SYNE3: variants seen among roughly 807,000 people sequenced by gnomAD.
The protein encoded by SYNE3 is spectrin repeat containing nuclear envelope family member 3.
A neutral mutation model predicts 111.2 loss-of-function variants in SYNE3; 100 were observed. The observed-to-expected ratio is 0.90, with a 90% CI of 0.77 to 1.06. SYNE3 has a LOEUF of 1.06. Among genes scored for constraint, SYNE3 ranks in the 50% least tolerant of loss-of-function variants. SYNE3 has a pLI of 0.00. For missense variants in SYNE3, 1,160 were observed against 1,240.3 expected (o/e 0.94, Z 0.97); for synonymous variants, 547 against 533.9 (o/e 1.02, Z -0.34).
At chr14:95,438,724 C>G (rs534808452) in intron 14 of SYNE3, 2 of 269,288 alleles carry the variant, frequency 7.4e-6, no homozygotes, top group Non-Finnish European at 1.4e-5. Flanking sequence ...CTTTCAGCCC[C>G]GACACTCTCT....
intron 1 of SYNE3, among the ~76,000 whole-genome samples, chr14:95,509,831 C>T (rs1458962210): frequency 6.6e-6 from 1 of 152,240 alleles, no homozygotes; most frequent in African/African-American, 2.4e-5. Context: ...ATTTCATTTT[C>T]ATCAAGCAAC....
chr14:95,465,525 G>T (rs1888108734), intron 4 of SYNE3, among the ~76,000 whole-genome samples: 1 of 152,148 alleles, frequency 6.6e-6, no homozygotes, highest in Non-Finnish European at 1.5e-5. Context: ...TGATGGGTAG[G>T]TGAATGAGTA....
chr14:95,439,480 G>A lies in SYNE3; in HGVS notation c.2246+132C>T, dbSNP rs563171174. On this transcript the variant is annotated intron_variant, in intron 13 of 17. Coordinates refer to ENST00000682763, the MANE Select transcript of SYNE3 (RefSeq NM_152592.6). The stretch of plus-strand genomic sequence containing the variant: ...CTAGAATAGCCAACTGGGCCAAAGT[G>A]TGAAGGTGCCCACGGCCCCTGGCTC... 175 of 1,225,022 alleles carry A rather than the reference G, an allele frequency of 1.4e-4. No homozygotes were observed. In the African/African-American group the frequency reaches 2.6e-3, roughly 18 times the overall value. 75.9% of individuals were successfully genotyped at this position (1,225,022 alleles called of 1,614,324 possible).
intron 13 of SYNE3, 53 bp downstream of exon 13, chr14:95,439,559 G>C: frequency 1.3e-6 from 2 of 1,595,332 alleles, no homozygotes; most frequent in Admixed American, 3.3e-5. Flanking sequence ...GTGTCCCTGA[G>C]TGAGAAGGGG....
chr14:95,493,018 T>C (rs1889921833), intron 1 of SYNE3, among the ~76,000 whole-genome samples: 1 of 152,110 alleles, frequency 6.6e-6, no homozygotes, highest in Admixed American at 6.5e-5. Flanking sequence ...TCCTTAAAAA[T>C]ACACCCACCA....
At position 95,415,406 on chromosome 14, in the gene SYNE3, G is replaced by A. The variant is rs139801697; in HGVS notation, c.*2420C>T. 1 of 152,024 alleles carries A rather than the reference G, an allele frequency of 6.6e-6. No homozygotes were observed. The highest frequency in any genetic ancestry group is 2.4e-5 in the African/African-American group (1 of 41,450). The allele number at this position is 152,024 out of a possible 1,614,324, so 9.4% of individuals were successfully genotyped here. On this transcript the variant is annotated 3_prime_UTR_variant, in exon 18 of 18. Coordinates refer to ENST00000682763, the MANE Select transcript of SYNE3 (RefSeq NM_152592.6). The stretch of plus-strand genomic sequence containing the variant: ...CCTGCAGAGAACGGCCCTATGGCTT[G>A]GTTTCCAGATATCTGGAGAAAAGTG...
At chr14:95,439,805 C>CA (rs750163522) in intron 12 of SYNE3, 21 bp from the exon 13 acceptor site, 1 of 1,603,128 alleles carries the variant, frequency 6.2e-7, no homozygotes, top group South Asian at 1.1e-5. Context: ...CACGGACACA[C>CA]AGACACACAC....
rs111705706 is a variant in SYNE3 at position 95,482,671 on chromosome 14, G to A, written c.-14-6836C>T. 6.9e-3 allele frequency among the ~76,000 whole-genome samples: 1,053 copies of A among 152,124 alleles called. 19 individuals are homozygous for A. Among genetic ancestry groups the A allele is most frequent in the African/African-American group, 0.024 (994 of 41,490 alleles). ...TTTACAAAGAGGGAAACTGAGACTC[G>A]GAGACACAAACAGTCTGCTGAAAAG... On this transcript the variant is annotated intron_variant, in intron 1 of 17. Coordinates refer to ENST00000682763, the MANE Select transcript of SYNE3 (RefSeq NM_152592.6).
intron 1 of SYNE3, among the ~76,000 whole-genome samples, chr14:95,479,700 C>T (rs1342204030): frequency 6.6e-6 from 1 of 152,182 alleles, no homozygotes; most frequent in Non-Finnish European, 1.5e-5. Flanking sequence ...AAGGCAGCTA[C>T]AGTGAGGCCA....
intron 1 of SYNE3, among the ~76,000 whole-genome samples, chr14:95,503,752 G>A (rs1212974313): frequency 6.6e-6 from 1 of 151,148 alleles, no homozygotes; most frequent in East Asian, 1.9e-4. Flanking sequence ...TCGAGTAGCT[G>A]AGACCACAGG....
chr14:95,456,732 G>A (rs1566666165), intron 5 of SYNE3, among the ~76,000 whole-genome samples: 1 of 152,114 alleles, frequency 6.6e-6, no homozygotes, highest in Non-Finnish European at 1.5e-5. Context: ...CCTCACGGGG[G>A]TCTGTGGGCC....
intron 15 of SYNE3, 139 bp downstream of exon 15, chr14:95,436,681 T>C (rs1886101797): frequency 9.8e-7 from 1 of 1,019,332 alleles, no homozygotes; most frequent in Non-Finnish European, 1.4e-6. Flanking sequence ...ACCAAAAAAG[T>C]TTAAAAGCGA....
intron 2 of SYNE3, among the ~76,000 whole-genome samples, chr14:95,474,478 T>G (rs1888757269): frequency 6.6e-6 from 1 of 152,118 alleles, no homozygotes; most frequent in Non-Finnish European, 1.5e-5. Flanking sequence ...TATTCCACTC[T>G]TGGGTGATCT....
intron 1 of SYNE3, among the ~76,000 whole-genome samples, chr14:95,502,018 G>C (rs1890355952): frequency 6.6e-6 from 1 of 152,100 alleles, no homozygotes; most frequent in Non-Finnish European, 1.5e-5. Context: ...TCAGGGGAGA[G>C]ATGATTCCAC....
chr14:95,501,959 C>T (rs1205798631), intron 1 of SYNE3, among the ~76,000 whole-genome samples: 2 of 152,122 alleles, frequency 1.3e-5, no homozygotes, highest in East Asian at 3.9e-4. Flanking sequence ...AGCACAGGGG[C>T]TCTGGGAACA....
chr14:95,505,114 A>C (rs1292936248), intron 1 of SYNE3, among the ~76,000 whole-genome samples: 1 of 152,246 alleles, frequency 6.6e-6, no homozygotes, highest in East Asian at 1.9e-4. Flanking sequence ...CCTTCCCGCC[A>C]TGGCTTGGTT....
chr14:95,412,716 C>T lies in SYNE3; in HGVS notation c.*5110G>A, dbSNP rs1903467166. 6.6e-6 allele frequency: 1 copy of T among 152,248 alleles called. No homozygotes were observed. The highest frequency in any genetic ancestry group is 2.1e-4 in the South Asian group (1 of 4,834). 9.4% of individuals were successfully genotyped at this position (152,248 alleles called of 1,614,324 possible). ...TCTCTTTCCTTCTCTCCCTCGGGGA[C>T]TCCTGCACTAAGCAATCCTCAAGCT... On this transcript the variant is annotated 3_prime_UTR_variant, in exon 18 of 18. Transcript: ENST00000682763.
chr14:95,415,776 C>T lies in SYNE3; in HGVS notation c.*2050G>A, dbSNP rs546713328. On this transcript the variant is annotated 3_prime_UTR_variant, in exon 18 of 18. Transcript: ENST00000682763. ...TTGGGACGCTGAGGTGGGCGGATCA[C>T]CTGAGGTCAGGAGTTCGAGACCAGC... 3 of 151,970 alleles carry T rather than the reference C, an allele frequency of 2.0e-5. No individual in the cohort carries two copies. Among genetic ancestry groups the T allele is most frequent in the East Asian group, 3.9e-4 (2 of 5,152 alleles). 9.4% of individuals were successfully genotyped at this position (151,970 alleles called of 1,614,324 possible).
chr14:95,463,726 C>T lies in SYNE3; in HGVS notation c.627+2205G>A, dbSNP rs550016485. On this transcript the variant is annotated intron_variant, in intron 4 of 17. Transcript: ENST00000682763. ...CCTTGCCCATCCATTCTGGGCCTTG[C>T]GCAGTCTCCTGGAGCCTCCTGTGGC... is the stretch of plus-strand genomic sequence containing the variant. Among the ~76,000 whole-genome samples the T allele has an allele frequency of 2.6e-5, 4 of 152,352 alleles. No homozygotes were observed. The South Asian group carries it at 6.2e-4, about 24-fold the overall frequency.
Sources: allele counts gnomAD v4.1 joint callset (sites outside exome capture counted in the v4.1 genomes callset), GRCh38; gene constraint gnomAD v4.1.1; transcripts MANE v1.5; gene names NCBI Gene and HGNC (gene_info 2026-07-23, HGNC 2026-07-21).